DDR1: variants seen among roughly 807,000 people sequenced by gnomAD.
DDR1 encodes epithelial discoidin domain-containing receptor 1.
DDR1 carries 64 observed loss-of-function variants against 97.4 expected under a neutral mutation model. That is an observed-to-expected ratio of 0.66 (90% CI 0.54 to 0.81). The LOEUF is 0.81. Ranked by LOEUF, DDR1 falls within the 30% of genes least tolerant of loss-of-function variation. DDR1 has a pLI of 0.00. For synonymous variants in DDR1, 458 were observed against 503.7 expected (o/e 0.91, Z 1.21); for missense variants, 990 against 1,259.6 (o/e 0.79, Z 3.24).
chr6:30,895,373 C>T, intron 11 of DDR1, 31 bp from the exon 12 acceptor site: 1 of 1,551,996 alleles, frequency 6.4e-7, no homozygotes, highest in Non-Finnish European at 8.8e-7. Context: ...TCATCCCTTC[C>T]CCGTGTTTCC....
Position 30,899,491 on chromosome 6 carries a change from C to T in DDR1, c.*195C>T, listed in dbSNP as rs1242403865. On this transcript the variant is annotated 3_prime_UTR_variant, in exon 18 of 18. Coordinates refer to ENST00000376568, the MANE Select transcript of DDR1 (RefSeq NM_001297654.2). ...CTTCTCCCCTTCCTGGACACACTCTCATGTCCCCTTCCTGTTCTTCCTTCC... is the reference window on the plus strand; with the variant it reads ...CTTCTCCCCTTCCTGGACACACTCTTATGTCCCCTTCCTGTTCTTCCTTCC... 6 of 645,912 alleles carry T rather than the reference C, an allele frequency of 9.3e-6. No individual in the cohort carries two copies. Among genetic ancestry groups the T allele is most frequent in the Non-Finnish European group, 7.7e-6 (3 of 388,134 alleles). 40.0% of individuals were successfully genotyped at this position (645,912 alleles called of 1,614,324 possible).
Position 30,888,145 on chromosome 6 carries a change from T to TA in DDR1, c.-42-535dup, listed in dbSNP as rs1429754716. Among the ~76,000 whole-genome samples, 2 of 151,996 alleles carry TA rather than the reference T, an allele frequency of 1.3e-5. No individual in the cohort carries two copies. Among genetic ancestry groups the TA allele is most frequent in the African/African-American group, 2.4e-5 (1 of 41,388 alleles). On this transcript the variant is annotated intron_variant, in intron 1 of 17. Transcript: ENST00000376568. The surrounding 1 kb of genome is among the most constrained non-coding windows in gnomAD (Gnocchi z 4.2). ...CCCTGAGGCTGGTGAATTTGACCAT[T>TA]AAAAAAAATGTTTGTTGGCAATTTG...
chr6:30,885,651 C>T, intron 1 of DDR1: 5 of 1,340,304 alleles, frequency 3.7e-6, no homozygotes, highest in Non-Finnish European at 4.9e-6. Context: ...ATTCACTGAG[C>T]GATGGGGTTG....
At chr6:30,885,522 C>T in intron 1 of DDR1, 1 of 1,291,454 alleles carries the variant, frequency 7.7e-7, no homozygotes. Context: ...AGAGGCTGGG[C>T]CCCAGTTCTC....
Position 30,888,551 on chromosome 6 carries a change from T to C in DDR1, c.-42-137T>C, listed in dbSNP as rs1423260194. Reference sequence around the variant, plus strand: ...GCACAGGGGAAGCATTCTAAAAATATAGCTGATGCTGTTAAACAATGACTG... The same window carrying C: ...GCACAGGGGAAGCATTCTAAAAATACAGCTGATGCTGTTAAACAATGACTG... On this transcript the variant is annotated intron_variant, in intron 1 of 17. Coordinates refer to ENST00000376568, the MANE Select transcript of DDR1 (RefSeq NM_001297654.2). The surrounding 1 kb of genome is among the most constrained non-coding windows in gnomAD (Gnocchi z 4.2). 7.0e-6 allele frequency: 7 copies of C among 993,156 alleles called. No homozygotes were observed. Among genetic ancestry groups the C allele is most frequent in the Non-Finnish European group, 1.0e-5 (7 of 689,516 alleles). 61.5% of individuals were successfully genotyped at this position (993,156 alleles called of 1,614,324 possible). A position where few individuals can be genotyped will look rare whatever the true frequency, so the allele number is the denominator to read the frequency against.
Position 30,890,885 on chromosome 6 carries a change from G to T in DDR1, c.418-88G>T. The T allele has an allele frequency of 1.4e-6, 2 of 1,437,604 alleles. No homozygotes were observed. Among genetic ancestry groups the T allele is most frequent in the Non-Finnish European group, 1.9e-6 (2 of 1,077,192 alleles). 89.1% of individuals were successfully genotyped at this position (1,437,604 alleles called of 1,614,324 possible). On this transcript the variant is annotated intron_variant, in intron 4 of 17. Transcript: ENST00000376568. This position sits in a 1 kb window ranked among gnomAD's most constrained non-coding sequence, Gnocchi z 5.0. ...CCTCATGGGTCTCTAAGTGGCCACT[G>T]TGGGCTGGGCCAGGGAGCAGCTGGT...
Position 30,891,549 on chromosome 6 carries a change from G to GTGTGTGTGTGTT in DDR1, c.665+78_665+79insTGTTTGTGTGTG, listed in dbSNP as rs1189755736. On this transcript the variant is annotated intron_variant, in intron 6 of 17. Coordinates refer to ENST00000376568, the MANE Select transcript of DDR1 (RefSeq NM_001297654.2). The surrounding 1 kb of genome is among the most constrained non-coding windows in gnomAD (Gnocchi z 5.3). ...GGACTGTGTGTGTGTGTGTGTGTGT[G>GTGTGTGTGTGTT]TGTGTGTGAGAGTGTGTGTGTGTAG... The GTGTGTGTGTGTT allele has an allele frequency of 4.0e-5, 38 of 953,688 alleles. No homozygotes were observed. Among genetic ancestry groups the GTGTGTGTGTGTT allele is most frequent in the South Asian group, 6.1e-5 (4 of 65,134 alleles). The allele number at this position is 953,688 out of a possible 1,614,324, so 59.1% of individuals were successfully genotyped here.
At position 30,898,005 on chromosome 6, in the gene DDR1, C is replaced by T. The variant is rs1162679924; in HGVS notation, c.2217-68C>T. ...AGTGACCGGGCCCGGGGAGTGGGCT[C>T]TCTCTCCTCTCCTGGATGGGAATCT... On this transcript the variant is annotated intron_variant, in intron 15 of 17. Coordinates refer to ENST00000376568, the MANE Select transcript of DDR1 (RefSeq NM_001297654.2). The T allele has an allele frequency of 1.5e-5, 19 of 1,286,800 alleles. No individual in the cohort carries two copies. The African/African-American group carries it at 1.9e-4, about 13-fold the overall frequency. 79.7% of individuals were successfully genotyped at this position (1,286,800 alleles called of 1,614,324 possible).
Position 30,899,898 on chromosome 6 carries a change from T to G in DDR1, c.*602T>G, listed in dbSNP as rs1466073304. 1 of 477,024 alleles carries G rather than the reference T, an allele frequency of 2.1e-6. No homozygotes were observed. The highest frequency in any genetic ancestry group is 4.0e-6 in the Non-Finnish European group (1 of 249,852). 29.5% of individuals were successfully genotyped at this position (477,024 alleles called of 1,614,324 possible). A position where few individuals can be genotyped will look rare whatever the true frequency, so the allele number is the denominator to read the frequency against. On this transcript the variant is annotated 3_prime_UTR_variant, in exon 18 of 18. Coordinates refer to ENST00000376568, the MANE Select transcript of DDR1 (RefSeq NM_001297654.2). ...CACCCCCACTTCCCACTTGCAGTCT[T>G]GTAGCTAGAACTTCTCTAAGCCTAT...
intron 1 of DDR1, chr6:30,885,331 C>A: frequency 1.4e-6 from 2 of 1,427,254 alleles, no homozygotes; most frequent in Non-Finnish European, 1.9e-6. Flanking sequence ...CCCAAGCTCG[C>A]TGGCTGTTGC....
At position 30,889,395 on chromosome 6, in the gene DDR1, C is replaced by G; in HGVS notation, c.382C>G (p.Arg128Gly). 6.3e-7 allele frequency: 1 copy of G among 1,586,872 alleles called. No individual in the cohort carries two copies. Among genetic ancestry groups the G allele is most frequent in the Non-Finnish European group, 8.6e-7 (1 of 1,166,502 alleles). The change falls in exon 4 of 18, where the codon CGC (arginine) becomes GGC (glycine). Residue 128 changes from arginine (R) to glycine (G), a missense_variant. Transcript: ENST00000376568. The surrounding 1 kb of genome is among the most constrained non-coding windows in gnomAD (Gnocchi z 4.9). ...GCTGCGTTACTCCCGGGATGGTCGCCGCTGGATGGGCTGGAAGGACCGCTG... is the reference window on the plus strand; with the variant it reads ...GCTGCGTTACTCCCGGGATGGTCGCGGCTGGATGGGCTGGAAGGACCGCTG... ...YRLRYSRDGRRWMGWKDRWGQ... is the reference protein window; with the variant it reads ...YRLRYSRDGRGWMGWKDRWGQ...
rs1791605017 is a variant in DDR1 at position 30,898,096 on chromosome 6, C to T, written c.2240C>T (p.Ala747Val). 6.2e-7 allele frequency: 1 copy of T among 1,614,136 alleles called. No homozygotes were observed. The highest frequency in any genetic ancestry group is 8.5e-7 in the Non-Finnish European group (1 of 1,179,946). Residue 747 changes from alanine (A) to valine (V), a missense_variant, in exon 16 of 18, where the codon GCA becomes GTA. Ala to Val is a moderately conservative substitution (Grantham distance 64). Coordinates refer to ENST00000376568, the MANE Select transcript of DDR1 (RefSeq NM_001297654.2). ...TISYPMLLHV[A>V]AQIASGMRYL... ...AGCTACCCAATGCTGCTGCATGTGG[C>T]AGCCCAGATCGCCTCCGGCATGCGC...
chr6:30,896,493 C>T, intron 12 of DDR1, 128 bp from the exon 13 acceptor site: 3 of 1,199,060 alleles, frequency 2.5e-6, no homozygotes, highest in Non-Finnish European at 3.5e-6. Flanking sequence ...TGGGAAGATA[C>T]AGCATAGACC....
chr6:30,883,757 C>T (rs902735144), upstream of DDR1: 3 of 152,418 alleles, frequency 2.0e-5, no homozygotes, highest in African/African-American at 7.2e-5. This position sits in a 1 kb window ranked among gnomAD's most constrained non-coding sequence, Gnocchi z 4.9. Flanking sequence ...ACCCCCGGGT[C>T]CCTTAGAACG....
chr6:30,899,402 C>T lies in DDR1; in HGVS notation c.*106C>T. The stretch of plus-strand genomic sequence containing the variant: ...CTCTGCCCTTCCCCTCCCGACAGCC[C>T]ATCACCTCTAATAGAGGCAGTGAGA... On this transcript the variant is annotated 3_prime_UTR_variant, in exon 18 of 18. Coordinates refer to ENST00000376568, the MANE Select transcript of DDR1 (RefSeq NM_001297654.2). The T allele has an allele frequency of 7.0e-7, 1 of 1,429,254 alleles. No individual in the cohort carries two copies. Among genetic ancestry groups the T allele is most frequent in the Non-Finnish European group, 9.4e-7 (1 of 1,066,472 alleles). 88.5% of individuals were successfully genotyped at this position (1,429,254 alleles called of 1,614,324 possible).
In DDR1 at chr6:30,888,432, A is replaced by G. The variant is rs1786687811; in HGVS notation, c.-42-256A>G. On this transcript the variant is annotated intron_variant, in intron 1 of 17. Coordinates refer to ENST00000376568, the MANE Select transcript of DDR1 (RefSeq NM_001297654.2). The surrounding 1 kb of genome is among the most constrained non-coding windows in gnomAD (Gnocchi z 4.2). ...AACTGATCTCTGCCCTAGTTTCTTCATGTGTTAAATATGGATAGTAATAGT... is the reference window on the plus strand; with the variant it reads ...AACTGATCTCTGCCCTAGTTTCTTCGTGTGTTAAATATGGATAGTAATAGT... 6.3e-6 allele frequency: 3 copies of G among 472,986 alleles called. No homozygotes were observed. Among genetic ancestry groups the G allele is most frequent in the Non-Finnish European group, 7.4e-6 (2 of 269,640 alleles). The allele number at this position is 472,986 out of a possible 1,614,324, so 29.3% of individuals were successfully genotyped here. A position where few individuals can be genotyped will look rare whatever the true frequency, so the allele number is the denominator to read the frequency against.
chr6:30,890,980 C>T lies in DDR1; in HGVS notation c.425C>T (p.Ser142Leu). 1 of 1,603,518 alleles carries T rather than the reference C, an allele frequency of 6.2e-7. No individual in the cohort carries two copies. Among genetic ancestry groups the T allele is most frequent in the Non-Finnish European group, 8.5e-7 (1 of 1,175,306 alleles). The change falls in exon 5 of 18, where the codon TCA (serine) becomes TTA (leucine). Residue 142 changes from serine to leucine, a missense_variant. Physicochemically the swap from Ser to Leu is moderately radical, Grantham distance 145. Coordinates refer to ENST00000376568, the MANE Select transcript of DDR1 (RefSeq NM_001297654.2). The surrounding 1 kb of genome is among the most constrained non-coding windows in gnomAD (Gnocchi z 5.0). ...WKDRWGQEVI[S>L]GNEDPEGVVL... Reference sequence around the variant, plus strand: ...CTGTTTCCTGGCCCACAGGTGATCTCAGGCAATGAGGACCCTGAGGGAGTG... The same window carrying T: ...CTGTTTCCTGGCCCACAGGTGATCTTAGGCAATGAGGACCCTGAGGGAGTG...
rs759641096 is a variant in DDR1 at position 30,896,699 on chromosome 6, A to G, written c.1703A>G (p.His568Arg). The change falls in exon 13 of 18, where the codon CAT (histidine) becomes CGT (arginine). Residue 568 changes from histidine (H) to arginine (R), a missense_variant. Coordinates refer to ENST00000376568, the MANE Select transcript of DDR1 (RefSeq NM_001297654.2). ...CCACCTCCCCAGAACAGCGTCCCCC[A>G]TTATGCCGAGGCTGACATTGTTACC... ...LPPPPQNSVP[H>R]YAEADIVTLQ... The G allele has an allele frequency of 6.2e-7, 1 of 1,609,128 alleles. No homozygotes were observed. The highest frequency in any genetic ancestry group is 8.5e-7 in the Non-Finnish European group (1 of 1,177,890).
At position 30,888,210 on chromosome 6, in the gene DDR1, C is replaced by T. The variant is rs978964313; in HGVS notation, c.-42-478C>T. Reference sequence around the variant, plus strand: ...TGAAATGACTATTCACATTCTTTGGCTGTTTCTTTATTGGGTTACTTATAT... The same window carrying T: ...TGAAATGACTATTCACATTCTTTGGTTGTTTCTTTATTGGGTTACTTATAT... On this transcript the variant is annotated intron_variant, in intron 1 of 17. Coordinates refer to ENST00000376568, the MANE Select transcript of DDR1 (RefSeq NM_001297654.2). This position sits in a 1 kb window ranked among gnomAD's most constrained non-coding sequence, Gnocchi z 4.2. Among the ~76,000 whole-genome samples the T allele has an allele frequency of 6.6e-6, 1 of 152,042 alleles. No homozygotes were observed. Among genetic ancestry groups the T allele is most frequent in the Non-Finnish European group, 1.5e-5 (1 of 68,010 alleles).
Sources: gnomAD v4.1 joint callset for allele counts (sites outside exome capture counted in the v4.1 genomes callset) on GRCh38, gnomAD v4.1.1 for gene constraint, Gnocchi (gnomAD v3.1) non-coding constraint, MANE v1.5 for transcripts, NCBI Gene and HGNC (gene_info 2026-07-23, HGNC 2026-07-21) for gene names.